The following ESR1 variants were observed in gnomAD, a reference collection of about 807,000 sequenced individuals.
ESR1 encodes estrogen receptor 1, also known as estrogen receptor.
Under a neutral mutation model 52.7 loss-of-function variants are expected in ESR1, and 12 were observed. The ratio of observed to expected loss-of-function variants is 0.23; its 90% confidence interval spans 0.15 to 0.37. The LOEUF (loss-of-function observed/expected upper bound fraction) is 0.37. ESR1 is among the 10% of genes least tolerant of loss of function. The pLI is 1.00. For missense variants in ESR1, 584 were observed against 779.7 expected (o/e 0.75, Z 2.99); for synonymous variants, 305 against 316.8 (o/e 0.96, Z 0.39).
intron 2 of ESR1, among the ~76,000 whole-genome samples, chr6:151,848,969 C>T (rs1052353591): frequency 6.6e-6 from 1 of 151,934 alleles, no homozygotes; most frequent in African/African-American, 2.4e-5. Context: ...TTTTGCTATT[C>T]CCCCCAACAC....
At chr6:151,899,548 G>C (rs1378531479) in intron 3 of ESR1, among the ~76,000 whole-genome samples, 1 of 148,306 alleles carries the variant, frequency 6.7e-6, no homozygotes, top group Non-Finnish European at 1.5e-5. Context: ...CCTCCCTCCC[G>C]GACGGGGCGG....
chr6:151,712,473 G>A (rs1204851346), intron 2 of ESR1, among the ~76,000 whole-genome samples: 1 of 152,160 alleles, frequency 6.6e-6, no homozygotes, highest in Non-Finnish European at 1.5e-5. Context: ...CTATCCAAGA[G>A]CATCGAATGT....
At chr6:151,875,545 A>G (rs551977842) in intron 2 of ESR1, among the ~76,000 whole-genome samples, 1 of 152,220 alleles carries the variant, frequency 6.6e-6, no homozygotes, top group East Asian at 1.9e-4. Context: ...CCATGCCTAA[A>G]CTGATCTGGG....
chr6:152,013,632 C>G lies in ESR1; in HGVS notation c.1235+1838C>G, dbSNP rs544886962. Among the ~76,000 whole-genome samples, 88 of 152,096 alleles carry G rather than the reference C, an allele frequency of 5.8e-4. 1 individual carries two copies. In the South Asian group the frequency reaches 9.6e-3, roughly 17 times the overall value. On this transcript the variant is annotated intron_variant, in intron 5 of 7. Transcript: ENST00000206249. ...TGAAGGTTTTTGACATTACTGCACC[C>G]AAAAAACTCATATTGCCAGTGAGGT...
chr6:151,891,648 AC>A (rs1181310683), intron 3 of ESR1, among the ~76,000 whole-genome samples: 2 of 152,140 alleles, frequency 1.3e-5, no homozygotes, highest in African/African-American at 4.8e-5. Flanking sequence ...AAGTCTCCTG[AC>A]CCATGGTTTA....
In ESR1 at chr6:152,011,648, G is replaced by C. The variant is rs1333814308; in HGVS notation, c.1097-8G>C. The C allele has an allele frequency of 3.1e-6, 5 of 1,612,950 alleles. No individual in the cohort carries two copies. The African/African-American group carries it at 6.7e-5, about 22-fold the overall frequency. Reference sequence around the variant, plus strand: ...TGAGTCAGCAGGGTTTTTCTTGCTTGTTTTCAGGCTTTGTGGATTTGACCC... The same window carrying C: ...TGAGTCAGCAGGGTTTTTCTTGCTTCTTTTCAGGCTTTGTGGATTTGACCC... On this transcript the variant is annotated splice_region_variant and splice_polypyrimidine_tract_variant and intron_variant, in intron 4 of 7. Coordinates refer to ENST00000206249, the MANE Select transcript of ESR1 (RefSeq NM_000125.4).
At chr6:152,015,759 A>G (rs576517107) in intron 5 of ESR1, among the ~76,000 whole-genome samples, 2 of 152,140 alleles carry the variant, frequency 1.3e-5, no homozygotes, top group South Asian at 4.2e-4. Context: ...TTTTGGAAAG[A>G]TTTTCTTAAT....
In ESR1 at chr6:151,880,641, CT is replaced by C; in HGVS notation, c.644-12del. The C allele has an allele frequency of 7.0e-7, 1 of 1,438,016 alleles. No homozygotes were observed. The highest frequency in any genetic ancestry group is 9.8e-7 in the Non-Finnish European group (1 of 1,018,936). 89.1% of individuals were successfully genotyped at this position (1,438,016 alleles called of 1,614,324 possible). On this transcript the variant is annotated splice_polypyrimidine_tract_variant and intron_variant, in intron 2 of 7. Transcript: ENST00000206249. Reference sequence around the variant, plus strand: ...CCTGAAATAATATTAATTCTGTCCTCTTGCTTTTAATAGGACATAACGACTA... The same window carrying C: ...CCTGAAATAATATTAATTCTGTCCTCTGCTTTTAATAGGACATAACGACTA...
At chr6:151,964,106 T>A (rs906545377) in intron 4 of ESR1, among the ~76,000 whole-genome samples, 3 of 152,244 alleles carry the variant, frequency 2.0e-5, no homozygotes, top group African/African-American at 7.2e-5. Context: ...GAGAGTTTGA[T>A]GCCTCTAGCT....
chr6:152,012,048 TCA>T (rs1284910890), intron 5 of ESR1, among the ~76,000 whole-genome samples: 3 of 91,796 alleles, frequency 3.3e-5, no homozygotes, highest in African/African-American at 1.3e-4. Flanking sequence ...ACACACACAC[TCA>T]CACTCTCTCT....
In ESR1 at chr6:152,129,541, C is replaced by T. The variant is rs776881833; in HGVS notation, c.*4193C>T. On this transcript the variant is annotated 3_prime_UTR_variant, in exon 7 of 7. Coordinates refer to the ESR1 transcript ENST00000427531. ...AGTTTTTCTCCATACTTTATTATTG[C>T]TATTTTGTTTAGGCTAGAAAAAAAA... 2.9e-5 allele frequency: 4 copies of T among 137,910 alleles called. No homozygotes were observed. The Admixed American group carries it at 3.0e-4, about 10-fold the overall frequency. 8.5% of individuals were successfully genotyped at this position (137,910 alleles called of 1,614,324 possible).
At chr6:151,841,658 A>G (rs1453622901) in intron 1 of ESR1, among the ~76,000 whole-genome samples, 1 of 151,498 alleles carries the variant, frequency 6.6e-6, no homozygotes, top group African/African-American at 2.4e-5. Context: ...TGGTTTTCCT[A>G]GAATTTTCTT....
chr6:151,864,750 A>G (rs921947340), intron 2 of ESR1, among the ~76,000 whole-genome samples: 1 of 152,176 alleles, frequency 6.6e-6, no homozygotes, highest in Non-Finnish European at 1.5e-5. Context: ...ATGGAATACT[A>G]TGCAGCCATA....
chr6:151,994,695 C>G (rs2041321770), intron 4 of ESR1, among the ~76,000 whole-genome samples: 1 of 152,100 alleles, frequency 6.6e-6, no homozygotes, highest in Non-Finnish European at 1.5e-5. Context: ...AAGGAGTCTT[C>G]CTTGCTTCTT....
chr6:152,119,529 C>A (rs1203546828), intron 6 of ESR1, among the ~76,000 whole-genome samples: 2 of 152,148 alleles, frequency 1.3e-5, no homozygotes, highest in Non-Finnish European at 2.9e-5. Flanking sequence ...ATCTCCTTAC[C>A]ACCATGTTAT....
chr6:151,850,392 A>C (rs1562475524), intron 2 of ESR1, among the ~76,000 whole-genome samples: 1 of 150,840 alleles, frequency 6.6e-6, no homozygotes, highest in South Asian at 2.1e-4. Context: ...ACAGAGAGAG[A>C]GAGAGAGAAG....
At chr6:151,941,425 G>A (rs151042722) in intron 3 of ESR1, among the ~76,000 whole-genome samples, 15 of 152,282 alleles carry the variant, frequency 9.9e-5, no homozygotes, top group African/African-American at 3.1e-4. Flanking sequence ...GGAAATACAA[G>A]TCAGAACTTA....
At chr6:151,974,435 C>T (rs184711612) in intron 4 of ESR1, among the ~76,000 whole-genome samples, 2 of 152,296 alleles carry the variant, frequency 1.3e-5, no homozygotes, top group East Asian at 3.9e-4. Flanking sequence ...CACTGAAACA[C>T]GTGGTCTGAT....
chr6:151,995,178 G>C (rs2041369290), intron 4 of ESR1, among the ~76,000 whole-genome samples: 1 of 152,140 alleles, frequency 6.6e-6, no homozygotes, highest in Non-Finnish European at 1.5e-5. Context: ...CATGGGTAGT[G>C]GCCCGGGATC....
Sources: allele counts gnomAD v4.1 joint callset (sites outside exome capture counted in the v4.1 genomes callset), GRCh38; gene constraint gnomAD v4.1.1; transcripts MANE v1.5; gene names NCBI Gene and HGNC (gene_info 2026-07-23, HGNC 2026-07-21).